The following NR2C2 variants were observed in gnomAD, a reference collection of about 807,000 sequenced individuals.
NR2C2 encodes Nuclear hormone receptor TR4.
A neutral mutation model predicts 62.9 loss-of-function variants in NR2C2; 6 were observed. The observed-to-expected ratio is 0.10, with a 90% CI of 0.05 to 0.19. The LOEUF is 0.19. NR2C2 is among the 10% of genes least tolerant of loss of function. The pLI is 1.00. For missense variants in NR2C2, 479 were observed against 762.7 expected, an observed-to-expected ratio of 0.63 and a Z score of 4.38; for synonymous variants, 272 against 273.8, an observed-to-expected ratio of 0.99 and a Z score of 0.07.
chr3:14,974,749 A>G (rs1025426607), intron 1 of NR2C2, among the ~76,000 whole-genome samples: 1 of 151,726 alleles, frequency 6.6e-6, no homozygotes, highest in African/African-American at 2.4e-5. Flanking sequence ...GATTACAGGT[A>G]TGTGCCACCA....
At chr3:14,981,828 G>A (rs981963250) in intron 1 of NR2C2, among the ~76,000 whole-genome samples, 4 of 152,096 alleles carry the variant, frequency 2.6e-5, no homozygotes, top group Non-Finnish European at 5.9e-5. Flanking sequence ...CTTGGAGTTC[G>A]ATGTTCGAGG....
At chr3:15,001,408 C>T (rs2124915632) in intron 1 of NR2C2, among the ~76,000 whole-genome samples, 1 of 140,448 alleles carries the variant, frequency 7.1e-6, no homozygotes, top group South Asian at 2.3e-4. Context: ...GATCTTGGCT[C>T]ACTGCAACCT....
intron 2 of NR2C2, among the ~76,000 whole-genome samples, chr3:15,010,876 T>C (rs145141385): frequency 1.9e-3 from 290 of 152,296 alleles, no homozygotes; most frequent in African/African-American, 6.4e-3. Context: ...AGAAATGACA[T>C]GCTGGTTATC....
At chr3:14,999,441 T>C (rs1272896594) in intron 1 of NR2C2, among the ~76,000 whole-genome samples, 3 of 152,126 alleles carry the variant, frequency 2.0e-5, no homozygotes, top group Admixed American at 2.0e-4. Flanking sequence ...CAGTGAACCA[T>C]AATTGTGCTA....
chr3:15,018,356 C>T (rs557006068), intron 4 of NR2C2, among the ~76,000 whole-genome samples: 1 of 152,260 alleles, frequency 6.6e-6, no homozygotes, highest in Admixed American at 6.5e-5. Flanking sequence ...AAACTGTACA[C>T]CTGACAAAGG....
intron 1 of NR2C2, among the ~76,000 whole-genome samples, chr3:14,950,500 C>G (rs2039321492): frequency 6.6e-6 from 1 of 151,088 alleles, no homozygotes; most frequent in Non-Finnish European, 1.5e-5. Context: ...CTTCAACTTC[C>G]TTGACCAGTG....
intron 7 of NR2C2, 129 bp downstream of exon 7, chr3:15,024,337 T>C: frequency 1.6e-6 from 1 of 622,824 alleles, no homozygotes; most frequent in East Asian, 2.9e-5. Flanking sequence ...TGTCTCGGTC[T>C]CCTTATTGTT....
intron 1 of NR2C2, among the ~76,000 whole-genome samples, chr3:14,950,997 A>G (rs973020467): frequency 1.3e-5 from 2 of 152,224 alleles, no homozygotes; most frequent in South Asian, 2.1e-4. Context: ...CCATTTCAAT[A>G]GTTTTTCCCA....
intron 1 of NR2C2, 64 bp from the exon 2 acceptor site, chr3:15,003,812 C>T (rs1406851122): frequency 9.1e-7 from 1 of 1,093,028 alleles, no homozygotes. Flanking sequence ...GAGGCGTGGT[C>T]TTCAGGCCAC....
chr3:14,952,131 G>C (rs527672819), intron 1 of NR2C2, among the ~76,000 whole-genome samples: 24 of 152,250 alleles, frequency 1.6e-4, no homozygotes, highest in Non-Finnish European at 3.4e-4. Context: ...AGGCAGAAAG[G>C]CCTGGCTTCA....
intron 2 of NR2C2, 52 bp downstream of exon 2, chr3:15,004,038 A>T: frequency 6.7e-7 from 1 of 1,482,184 alleles, no homozygotes. Context: ...AACTCTTTCC[A>T]AAAACAAACC....
chr3:14,981,877 A>C (rs559597483), intron 1 of NR2C2, among the ~76,000 whole-genome samples: 1 of 152,292 alleles, frequency 6.6e-6, no homozygotes, highest in East Asian at 1.9e-4. Context: ...TGGAGGCCAG[A>C]AGACATAGGC....
chr3:14,998,113 T>G (rs1559554073), intron 1 of NR2C2, among the ~76,000 whole-genome samples: 1 of 152,254 alleles, frequency 6.6e-6, no homozygotes, highest in Non-Finnish European at 1.5e-5. Flanking sequence ...TTCCTTTTTA[T>G]TGCCAAATAA....
At chr3:14,989,269 C>A (rs566815621) in intron 1 of NR2C2, among the ~76,000 whole-genome samples, 1 of 152,254 alleles carries the variant, frequency 6.6e-6, no homozygotes, top group East Asian at 1.9e-4. Context: ...TTCTGTGGAC[C>A]TATTACAGTG....
chr3:14,990,621 C>G (rs1426139968), intron 1 of NR2C2, among the ~76,000 whole-genome samples: 1 of 152,162 alleles, frequency 6.6e-6, no homozygotes, highest in Non-Finnish European at 1.5e-5. Flanking sequence ...TTGGGTTGGA[C>G]TCTCTTTGGC....
chr3:15,016,292 C>A, intron 4 of NR2C2, 38 bp downstream of exon 4: 3 of 1,438,870 alleles, frequency 2.1e-6, no homozygotes, highest in Non-Finnish European at 2.9e-6. Flanking sequence ...TTATAATGGG[C>A]CAACAGCATG....
chr3:15,011,036 CA>C (rs1426189728), intron 2 of NR2C2, among the ~76,000 whole-genome samples: 2 of 152,078 alleles, frequency 1.3e-5, no homozygotes, highest in African/African-American at 4.8e-5. Context: ...AGGAAGGAAA[CA>C]AAAATTGATA....
At chr3:14,956,246 G>C (rs1364678047) in intron 1 of NR2C2, among the ~76,000 whole-genome samples, 1 of 152,178 alleles carries the variant, frequency 6.6e-6, no homozygotes, top group Non-Finnish European at 1.5e-5. Context: ...ATGATTGCAA[G>C]TTTCAAGCTA....
intron 1 of NR2C2, among the ~76,000 whole-genome samples, chr3:14,963,390 G>A (rs767022092): frequency 2.6e-5 from 4 of 152,206 alleles, no homozygotes; most frequent in African/African-American, 4.8e-5. Flanking sequence ...ACGCAGGTCC[G>A]TTCACCTCCA....
Sources: allele counts gnomAD v4.1 joint callset (sites outside exome capture counted in the v4.1 genomes callset), GRCh38; gene constraint gnomAD v4.1.1; transcripts MANE v1.5; gene names NCBI Gene and HGNC (gene_info 2026-07-23, HGNC 2026-07-21).